The following EVI5 variants were observed in gnomAD, a reference collection of about 807,000 sequenced individuals.
The protein encoded by EVI5 is ecotropic viral integration site 5 protein homolog.
In EVI5, 73 loss-of-function variants were observed where a neutral mutation model predicts 112.0. The observed-to-expected ratio is 0.65, with a 90% CI of 0.54 to 0.79. The LOEUF is 0.79. Among genes scored for constraint, EVI5 ranks in the 30% least tolerant of loss-of-function variants. The pLI is 0.00. For missense variants in EVI5, 900 were observed against 968.8 expected (o/e 0.93, Z 0.94); for synonymous variants, 305 against 319.9 (o/e 0.95, Z 0.50).
At chr1:92,578,610 C>T (rs934753099) in intron 18 of EVI5, among the ~76,000 whole-genome samples, 1 of 151,438 alleles carries the variant, frequency 6.6e-6, no homozygotes, top group Non-Finnish European at 1.5e-5. Flanking sequence ...CCCAGCTACT[C>T]GGGAGGCTGA....
chr1:92,760,019 C>T (rs1441516536), intron 1 of EVI5, among the ~76,000 whole-genome samples: 1 of 152,044 alleles, frequency 6.6e-6, no homozygotes, highest in African/African-American at 2.4e-5. Flanking sequence ...ATAAAGAGAA[C>T]AGAAGTAACA....
intron 19 of EVI5, among the ~76,000 whole-genome samples, chr1:92,523,275 A>G (rs1661269758): frequency 6.6e-6 from 1 of 152,140 alleles, no homozygotes; most frequent in Non-Finnish European, 1.5e-5. Flanking sequence ...TAGCTCTAAC[A>G]ATCATTAAAA....
chr1:92,735,647 T>C (rs1012015747), intron 2 of EVI5, among the ~76,000 whole-genome samples: 4 of 2,140 alleles, frequency 1.9e-3, no homozygotes, highest in Non-Finnish European at 4.4e-3. Context: ...GTCATATATA[T>C]ATATAATTAT....
chr1:92,627,686 C>T (rs1053695187), intron 14 of EVI5, among the ~76,000 whole-genome samples: 3 of 152,110 alleles, frequency 2.0e-5, no homozygotes, highest in Admixed American at 2.0e-4. Flanking sequence ...ACGCCAACAT[C>T]TACTGTTTTT....
chr1:92,718,135 A>G (rs909317581), intron 2 of EVI5, among the ~76,000 whole-genome samples: 1 of 152,156 alleles, frequency 6.6e-6, no homozygotes, highest in African/African-American at 2.4e-5. Context: ...ACAGATCAAC[A>G]AGACAGAACA....
At chr1:92,713,525 C>T (rs1333804239) in intron 2 of EVI5, among the ~76,000 whole-genome samples, 1 of 152,084 alleles carries the variant, frequency 6.6e-6, no homozygotes, top group Middle Eastern at 3.2e-3. Flanking sequence ...CCTATAATCC[C>T]AGCACTTTGG....
chr1:92,639,428 TAGG>T (rs1477443736), intron 13 of EVI5, among the ~76,000 whole-genome samples: 1 of 151,514 alleles, frequency 6.6e-6, no homozygotes, highest in African/African-American at 2.4e-5. Context: ...TTGAAGGAAA[TAGG>T]AGTAATACAG....
chr1:92,533,573 G>A, intron 19 of EVI5, among the ~76,000 whole-genome samples: 1 of 152,104 alleles, frequency 6.6e-6, no homozygotes, highest in East Asian at 1.9e-4. Flanking sequence ...ACATCAAAAA[G>A]CTTATCCACC....
chr1:92,745,178 G>A (rs899274562), intron 1 of EVI5, among the ~76,000 whole-genome samples: 5 of 149,410 alleles, frequency 3.3e-5, no homozygotes, highest in African/African-American at 9.9e-5. Context: ...GGGCTCAAGC[G>A]ATCCACCTGC....
intron 19 of EVI5, among the ~76,000 whole-genome samples, chr1:92,557,562 G>A (rs556659248): frequency 1.6e-3 from 250 of 152,122 alleles, no homozygotes; most frequent in South Asian, 4.8e-3. Flanking sequence ...GCCTCTCAGA[G>A]TGCTGGGATA....
At chr1:92,573,136 T>C (rs1670564326) in intron 18 of EVI5, among the ~76,000 whole-genome samples, 1 of 152,034 alleles carries the variant, frequency 6.6e-6, no homozygotes, top group South Asian at 2.1e-4. Context: ...CTAGAAAATA[T>C]TTAAAACAGT....
At chr1:92,769,823 C>A (rs1290088434) in intron 1 of EVI5, among the ~76,000 whole-genome samples, 1 of 151,992 alleles carries the variant, frequency 6.6e-6, no homozygotes, top group African/African-American at 2.4e-5. Context: ...AGAGGCAGAG[C>A]CTGCAGTGAG....
rs574641481 is a variant in EVI5 at position 92,669,074 on chromosome 1, C to T, written c.1159-3082G>A. On this transcript the variant is annotated intron_variant, in intron 10 of 19. Transcript: ENST00000684568. ...TAAGAGTAATCAAACCTACAGGGAA[C>T]TGAAAAATTAAATGAGATAGCATAG... 5.3e-5 allele frequency among the ~76,000 whole-genome samples: 8 copies of T among 152,272 alleles called. No individual in the cohort carries two copies. In the South Asian group the frequency reaches 1.7e-3, roughly 32 times the overall value.
intron 13 of EVI5, among the ~76,000 whole-genome samples, chr1:92,638,123 T>A (rs543612120): frequency 6.6e-6 from 1 of 152,286 alleles, no homozygotes; most frequent in South Asian, 2.1e-4. Flanking sequence ...AGCACAGGTT[T>A]GTTTGCAAAG....
intron 1 of EVI5, among the ~76,000 whole-genome samples, chr1:92,760,196 T>A (rs755373537): frequency 1.1e-4 from 16 of 151,958 alleles, no homozygotes; most frequent in Admixed American, 2.0e-4. Context: ...ACAAGAAAAA[T>A]ATGTTCTAAT....
intron 19 of EVI5, among the ~76,000 whole-genome samples, chr1:92,532,268 C>A (rs1047405360): frequency 6.6e-6 from 1 of 152,074 alleles, no homozygotes; most frequent in South Asian, 2.1e-4. Flanking sequence ...AATACAAGAG[C>A]GCCCAGATTC....
intron 11 of EVI5, among the ~76,000 whole-genome samples, chr1:92,665,669 T>C (rs1363509901): frequency 6.6e-6 from 1 of 152,198 alleles, no homozygotes; most frequent in Non-Finnish European, 1.5e-5. Context: ...ACATACTTTT[T>C]AGAAATTATG....
At chr1:92,773,524 C>T (rs1407605788) in intron 1 of EVI5, among the ~76,000 whole-genome samples, 3 of 152,040 alleles carry the variant, frequency 2.0e-5, no homozygotes, top group Non-Finnish European at 4.4e-5. Context: ...ACCCTGTTGT[C>T]CCCACTACTT....
chr1:92,545,708 A>C (rs1571430154), intron 19 of EVI5, among the ~76,000 whole-genome samples: 1 of 152,138 alleles, frequency 6.6e-6, no homozygotes, highest in Non-Finnish European at 1.5e-5. Context: ...CCATTAGATC[A>C]ATCTCTATGA....
Sources: gnomAD v4.1 joint callset for allele counts (sites outside exome capture counted in the v4.1 genomes callset) on GRCh38, gnomAD v4.1.1 for gene constraint, MANE v1.5 for transcripts, NCBI Gene and HGNC (gene_info 2026-07-23, HGNC 2026-07-21) for gene names.